Variants in MARK3 observed in about 807,000 individuals in gnomAD.
The protein encoded by MARK3 is MAP/microtubule affinity-regulating kinase 3.
A neutral mutation model predicts 90.1 loss-of-function variants in MARK3; 46 were observed. That is an observed-to-expected ratio of 0.51 (90% CI 0.40 to 0.65). MARK3 has a LOEUF of 0.65. MARK3 is among the 30% of genes least tolerant of loss of function. MARK3 has a pLI of 0.00. For missense variants in MARK3, 818 were observed against 947.2 expected (o/e 0.86, Z 1.79); for synonymous variants, 321 against 332.6 (o/e 0.97, Z 0.38).
intron 5 of MARK3, among the ~76,000 whole-genome samples, chr14:103,452,806 G>C (rs1001881764): frequency 2.6e-5 from 4 of 152,174 alleles, no homozygotes; most frequent in Non-Finnish European, 5.9e-5. Flanking sequence ...GATTGATGCA[G>C]CATAGTGTCC....
At chr14:103,423,968 G>C (rs1462806665) in intron 2 of MARK3, among the ~76,000 whole-genome samples, 1 of 152,172 alleles carries the variant, frequency 6.6e-6, no homozygotes, top group Non-Finnish European at 1.5e-5. Flanking sequence ...CACTTTGGGA[G>C]GCCGAGGCGG....
chr14:103,484,163 C>CTTTTTTTTTTTTTTTTTTTTTTTTTT (rs34512580), intron 14 of MARK3, among the ~76,000 whole-genome samples: 1 of 146,282 alleles, frequency 6.8e-6, no homozygotes, highest in African/African-American at 2.5e-5. Flanking sequence ...AGAATCTTTT[C>CTTTTTTTTTTTTTTTTTTTTTTTTTT]TTTTTTTTTT....
chr14:103,472,736 G>C (rs1010586406), intron 12 of MARK3, among the ~76,000 whole-genome samples: 8 of 151,138 alleles, frequency 5.3e-5, no homozygotes, highest in African/African-American at 1.2e-4. Context: ...GGCTGGGCGC[G>C]GTGGCTCACG....
At chr14:103,433,120 C>T (rs2141102526) in intron 3 of MARK3, among the ~76,000 whole-genome samples, 1 of 146,772 alleles carries the variant, frequency 6.8e-6, no homozygotes, top group East Asian at 2.0e-4. Context: ...GAGTCTTGCC[C>T]TGTGACCCAG....
rs2075776549 is a variant in MARK3, at chr14:103,503,439, A to C, written c.*212A>C. 3 of 556,926 alleles carry C rather than the reference A, an allele frequency of 5.4e-6. No homozygotes were observed. Among genetic ancestry groups the C allele is most frequent in the Non-Finnish European group, 9.5e-6 (3 of 316,158 alleles). The allele number at this position is 556,926 out of a possible 1,614,324, so 34.5% of individuals were successfully genotyped here. A position where few individuals can be genotyped will look rare whatever the true frequency, so the allele number is the denominator to read the frequency against. ...GTGCAACCTATGCGCCCCCTGCCCT[A>C]CTTCCGTTACCCTGAGAGTCGGTGT... On this transcript the variant is annotated 3_prime_UTR_variant, in exon 18 of 18. Transcript: ENST00000429436.
At chr14:103,387,705 C>T (rs1456216085) in intron 1 of MARK3, among the ~76,000 whole-genome samples, 1 of 151,692 alleles carries the variant, frequency 6.6e-6, no homozygotes, top group Non-Finnish European at 1.5e-5. Flanking sequence ...GTTGGCCAGG[C>T]TGGTCTAGAA....
chr14:103,500,887 GC>G (rs2075626090), intron 17 of MARK3, among the ~76,000 whole-genome samples: 1 of 152,184 alleles, frequency 6.6e-6, no homozygotes, highest in African/African-American at 2.4e-5. Context: ...CTCCCAAAGT[GC>G]TGGGATGACA....
At chr14:103,452,010 T>A in intron 5 of MARK3, 27 bp downstream of exon 5, 5 of 1,481,794 alleles carry the variant, frequency 3.4e-6, no homozygotes, top group Non-Finnish European at 4.7e-6. Flanking sequence ...ATATATTGGG[T>A]TTTTTTTCTT....
chr14:103,465,690 A>C lies in MARK3; in HGVS notation c.674A>C (p.Gln225Pro). The C allele has an allele frequency of 6.2e-7, 1 of 1,614,166 alleles. No homozygotes were observed. The change falls in exon 8 of 18, where the codon CAG becomes CCG. Residue 225 changes from glutamine to proline, a missense_variant. Physicochemically the swap from Gln to Pro is moderately conservative, Grantham distance 76. Transcript: ENST00000429436. ...SPPYAAPELF[Q>P]GKKYDGPEVD... ...CCATACGCAGCACCTGAGCTCTTCC[A>C]GGGCAAGAAATATGACGGGCCAGAA...
At chr14:103,480,611 T>G in intron 14 of MARK3, 121 bp downstream of exon 14, 1 of 612,928 alleles carries the variant, frequency 1.6e-6, no homozygotes, top group Non-Finnish European at 2.9e-6. Flanking sequence ...TCTCTGAAGG[T>G]AAGTTAAATT....
At chr14:103,454,569 G>A (rs1421124740) in intron 5 of MARK3, among the ~76,000 whole-genome samples, 4 of 152,096 alleles carry the variant, frequency 2.6e-5, no homozygotes, top group Non-Finnish European at 5.9e-5. Context: ...GTGTTTTGTT[G>A]AGTTTATTAA....
chr14:103,500,185 G>C lies in MARK3; in HGVS notation c.1901G>C (p.Arg634Thr), dbSNP rs773581917. The part of the protein sequence containing the change: ...RLPTEYERNG[R>T]YEGSSRNVSA... ...CCAACTGAATATGAGAGGAACGGGA[G>C]ATATGAGGGCTCAAGGTGAGGGAAA... The change falls in exon 17 of 18, where the codon AGA becomes ACA. Residue 634 changes from arginine (R) to threonine (T), a missense_variant. Coordinates refer to ENST00000429436, the MANE Select transcript of MARK3 (RefSeq NM_001128918.3). The C allele has an allele frequency of 1.9e-5, 30 of 1,611,680 alleles. No homozygotes were observed. The highest frequency in any genetic ancestry group is 2.5e-5 in the Non-Finnish European group (29 of 1,178,812).
intron 12 of MARK3, among the ~76,000 whole-genome samples, chr14:103,473,602 T>A (rs1005703780): frequency 5.3e-5 from 8 of 152,376 alleles, no homozygotes; most frequent in Non-Finnish European, 1.2e-4. Context: ...AAAGCTTAGT[T>A]GTTGTTCTCC....
At chr14:103,502,852 TA>T in intron 17 of MARK3, 29 bp from the exon 18 acceptor site, 1 of 1,565,804 alleles carries the variant, frequency 6.4e-7, no homozygotes, top group Non-Finnish European at 8.7e-7. Context: ...CCTGTACGAT[TA>T]AAAATAAACC....
chr14:103,475,951 A>G (rs1376410245), intron 13 of MARK3, among the ~76,000 whole-genome samples: 1 of 152,092 alleles, frequency 6.6e-6, no homozygotes, highest in Admixed American at 6.6e-5. Context: ...TCAAAAAAAA[A>G]AAAAAAGATA....
At chr14:103,420,609 A>G (rs1482277886) in intron 2 of MARK3, among the ~76,000 whole-genome samples, 1 of 152,196 alleles carries the variant, frequency 6.6e-6, no homozygotes, top group Admixed American at 6.6e-5. Context: ...TGTGTAGTTC[A>G]GTGACATCAA....
At chr14:103,461,434 A>C (rs564161342) in intron 6 of MARK3, among the ~76,000 whole-genome samples, 1 of 152,350 alleles carries the variant, frequency 6.6e-6, no homozygotes, top group East Asian at 1.9e-4. Context: ...GCATGACTGC[A>C]AGTTGACTAA....
At chr14:103,409,996 T>C (rs1418284463) in intron 2 of MARK3, among the ~76,000 whole-genome samples, 1 of 152,204 alleles carries the variant, frequency 6.6e-6, no homozygotes, top group East Asian at 1.9e-4. Flanking sequence ...TAGATACTAC[T>C]AAATTGGTTT....
At chr14:103,393,298 G>T (rs1272529516) in intron 1 of MARK3, among the ~76,000 whole-genome samples, 1 of 152,096 alleles carries the variant, frequency 6.6e-6, no homozygotes. Context: ...TAATCAGCTT[G>T]TCAACTTCTA....
Sources: gnomAD v4.1 joint callset for allele counts (sites outside exome capture counted in the v4.1 genomes callset) on GRCh38, gnomAD v4.1.1 for gene constraint, MANE v1.5 for transcripts, NCBI Gene and HGNC (gene_info 2026-07-23, HGNC 2026-07-21) for gene names.